Variants in AP3B1 observed in about 807,000 individuals in gnomAD.
AP3B1 encodes the protein adaptor related protein complex 3 subunit beta 1.
AP3B1 carries 61 observed loss-of-function variants against 132.5 expected under a neutral mutation model. The ratio of observed to expected loss-of-function variants is 0.46; its 90% CI spans 0.37 to 0.57. The LOEUF (loss-of-function observed/expected upper bound fraction) is 0.57. AP3B1 is among the 20% of genes least tolerant of loss of function. The pLI is 0.00. For missense variants in AP3B1, 1,120 were observed against 1,289.4 expected, an observed-to-expected ratio of 0.87 and a Z score of 2.01; for synonymous variants, 388 against 438.3, an observed-to-expected ratio of 0.89 and a Z score of 1.43.
Position 78,002,504 on chromosome 5 carries a change from A to G in AP3B1, c.*398T>C, listed in dbSNP as rs1311202859. The G allele has an allele frequency of 6.4e-6, 3 of 467,960 alleles. No homozygotes were observed. Among genetic ancestry groups the G allele is most frequent in the Non-Finnish European group, 1.1e-5 (3 of 267,582 alleles). 29.0% of individuals were successfully genotyped at this position (467,960 alleles called of 1,614,324 possible). On this transcript the variant is annotated 3_prime_UTR_variant, in exon 27 of 27. Transcript: ENST00000255194. ...TTTTCACATACCAAGCTGAGAGGCC[A>G]TTTAGACTATCTCTTTGCTAATTTT... is the stretch of plus-strand genomic sequence containing the variant.
At chr5:78,157,713 AT>A (rs1743208996) in intron 13 of AP3B1, among the ~76,000 whole-genome samples, 1 of 152,110 alleles carries the variant, frequency 6.6e-6, no homozygotes, top group South Asian at 2.1e-4. Context: ...ACAAAGGTTT[AT>A]TTTAATATTA....
chr5:78,156,915 T>C (rs1743172581), intron 13 of AP3B1, among the ~76,000 whole-genome samples: 1 of 152,096 alleles, frequency 6.6e-6, no homozygotes, highest in African/African-American at 2.4e-5. Context: ...AAGAATGGGA[T>C]TGTGAGAGTG....
intron 22 of AP3B1, among the ~76,000 whole-genome samples, chr5:78,078,644 C>T (rs1035589963): frequency 1.3e-5 from 2 of 152,176 alleles, no homozygotes; most frequent in Non-Finnish European, 2.9e-5. Context: ...TATCGCTATC[C>T]AAGTCCATAT....
rs567895720 is a variant in AP3B1 at position 78,078,058 on chromosome 5, T to C, written c.2577+11335A>G. Reference sequence around the variant, plus strand: ...CTGATGGCTTTAGGATGTGTGTGTATGCACACACATGTGCACATGCTTGTA... The same window carrying C: ...CTGATGGCTTTAGGATGTGTGTGTACGCACACACATGTGCACATGCTTGTA... On this transcript the variant is annotated intron_variant, in intron 22 of 26. Transcript: ENST00000255194. Among the ~76,000 whole-genome samples the C allele has an allele frequency of 1.0e-3, 152 of 152,332 alleles. 1 individual carries two copies. The highest frequency in any genetic ancestry group is 2.7e-3 in the African/African-American group (113 of 41,564).
intron 22 of AP3B1, among the ~76,000 whole-genome samples, chr5:78,086,243 T>C (rs868753607): frequency 1.2e-4 from 19 of 152,314 alleles, no homozygotes; most frequent in African/African-American, 3.1e-4. Context: ...GCCTTAATAG[T>C]AAGAAGAAAA....
intron 2 of AP3B1, among the ~76,000 whole-genome samples, chr5:78,263,125 A>G (rs992507643): frequency 1.1e-4 from 17 of 152,152 alleles, no homozygotes; most frequent in Admixed American, 1.0e-3. Flanking sequence ...CATCTTAACA[A>G]TATTAGTCTT....
At position 78,227,426 on chromosome 5, in the gene AP3B1, T is replaced by G; in HGVS notation, c.482A>C (p.Asp161Ala). 1 of 1,613,802 alleles carries G rather than the reference T, an allele frequency of 6.2e-7. No individual in the cohort carries two copies. Among genetic ancestry groups the G allele is most frequent in the South Asian group, 1.1e-5 (1 of 91,072 alleles). Reference protein sequence around the residue: ...MMLAIKEASADLSPYVRKNAA... With the variant: ...MMLAIKEASAALSPYVRKNAA... ...ATTCTTCCTAACATATGGTGATAAG[T>G]CAGCAGAAGCTTCCTTAATAGCAAG... Residue 161 changes from aspartate to alanine, a missense_variant, in exon 5 of 27, where the codon GAC (aspartate) becomes GCC (alanine). By Grantham distance (126) the Asp-to-Ala change is moderately radical (BLOSUM62 -2). This residue lies in a region of AP3B1 where 129 missense variants were observed against 212.4 expected (regional missense o/e 0.61). Coordinates refer to ENST00000255194, the MANE Select transcript of AP3B1 (RefSeq NM_003664.5).
chr5:78,110,551 G>A lies in AP3B1; in HGVS notation c.2250-197C>T, dbSNP rs570882727. On this transcript the variant is annotated intron_variant, in intron 19 of 26. Transcript: ENST00000255194. ...TTTCAAATGCAAAAAGTCATAAAAT[G>A]ACACTAAACAATATAATCAAAAGCA... Among the ~76,000 whole-genome samples, 142 of 152,018 alleles carry A rather than the reference G, an allele frequency of 9.3e-4. 1 individual carries two copies. Among genetic ancestry groups the A allele is most frequent in the African/African-American group, 3.1e-3 (129 of 41,482 alleles).
intron 1 of AP3B1, among the ~76,000 whole-genome samples, chr5:78,276,442 C>G (rs1040475585): frequency 2.0e-5 from 3 of 152,082 alleles, no homozygotes; most frequent in African/African-American, 4.8e-5. Flanking sequence ...TATTTAGAAG[C>G]AAATTTAGGC....
At chr5:78,066,454 G>A (rs532020927) in intron 22 of AP3B1, among the ~76,000 whole-genome samples, 1 of 152,302 alleles carries the variant, frequency 6.6e-6, no homozygotes, top group Non-Finnish European at 1.5e-5. Context: ...AGAATAACCA[G>A]TTTAGGCAGG....
intron 24 of AP3B1, among the ~76,000 whole-genome samples, chr5:78,026,624 A>G (rs1747351335): frequency 6.6e-6 from 1 of 152,234 alleles, no homozygotes; most frequent in African/African-American, 2.4e-5. Context: ...CAATGCTTAT[A>G]CTTGGCTAGA....
chr5:78,080,581 T>G (rs867936863), intron 22 of AP3B1, among the ~76,000 whole-genome samples: 36 of 151,410 alleles, frequency 2.4e-4, no homozygotes, highest in African/African-American at 8.2e-4. Context: ...AGAGTGAATA[T>G]TTCCAAATTA....
intron 7 of AP3B1, among the ~76,000 whole-genome samples, chr5:78,193,732 G>GTGTATATC (rs1340871803): frequency 1.1e-5 from 1 of 89,254 alleles, no homozygotes; most frequent in Non-Finnish European, 2.3e-5. Context: ...TTAAATATTT[G>GTGTATATC]TATATATTTT....
intron 1 of AP3B1, among the ~76,000 whole-genome samples, chr5:78,272,282 G>A (rs973830870): frequency 3.9e-5 from 6 of 151,952 alleles, no homozygotes; most frequent in African/African-American, 1.4e-4. Context: ...GATGTCTTAC[G>A]CTCCTTAAAA....
intron 17 of AP3B1, among the ~76,000 whole-genome samples, chr5:78,125,996 G>A (rs946969045): frequency 1.3e-5 from 2 of 151,902 alleles, no homozygotes; most frequent in Admixed American, 6.6e-5. Context: ...TTTTTGGTGG[G>A]TGGGGGCAGC....
chr5:78,018,603 TATGAA>T (rs965820365), intron 25 of AP3B1, among the ~76,000 whole-genome samples: 10 of 151,884 alleles, frequency 6.6e-5, no homozygotes, highest in Admixed American at 5.9e-4. Context: ...AAATGTGTCA[TATGAA>T]ATAAGATATT....
intron 2 of AP3B1, among the ~76,000 whole-genome samples, chr5:78,256,894 T>C (rs1269134439): frequency 6.6e-6 from 1 of 152,096 alleles, no homozygotes; most frequent in Non-Finnish European, 1.5e-5. Flanking sequence ...TGATACATCA[T>C]GTCAACAAAA....
chr5:78,213,486 C>A (rs1243751531), intron 7 of AP3B1, among the ~76,000 whole-genome samples: 1 of 152,092 alleles, frequency 6.6e-6, no homozygotes, highest in Non-Finnish European at 1.5e-5. Flanking sequence ...AAGGGCTGAG[C>A]CTTTCAAATC....
intron 7 of AP3B1, among the ~76,000 whole-genome samples, chr5:78,212,083 C>T (rs1745762707): frequency 6.6e-6 from 1 of 152,156 alleles, no homozygotes; most frequent in African/African-American, 2.4e-5. Flanking sequence ...AGTTCAACAC[C>T]AGCCTGGCCA....
Sources: gnomAD v4.1 joint callset for allele counts (sites outside exome capture counted in the v4.1 genomes callset) on GRCh38, gnomAD v4.1.1 for gene constraint, gnomAD v4.1.1 regional missense constraint, MANE v1.5 for transcripts, NCBI Gene and HGNC (gene_info 2026-07-23, HGNC 2026-07-21) for gene names.